SIRT7: variants seen among roughly 807,000 people sequenced by gnomAD.
The protein encoded by SIRT7 is NAD-dependent protein deacetylase sirtuin-7.
Under a neutral mutation model 42.8 loss-of-function variants are expected in SIRT7, and 32 were observed. The ratio of observed to expected loss-of-function variants is 0.75; its 90% CI spans 0.56 to 1.00. SIRT7 has a LOEUF of 1.00. SIRT7 is among the 50% of genes least tolerant of loss of function. The probability of loss-of-function intolerance (pLI) is 0.00; values close to 1 mark genes in which losing one functional copy is unlikely to be tolerated. For synonymous variants in SIRT7, 297 were observed against 245.2 expected, an observed-to-expected ratio of 1.21 and a Z score of -1.97; for missense variants, 553 against 572.2, an observed-to-expected ratio of 0.97 and a Z score of 0.34.
rs749097837 is a variant in SIRT7 at position 81,913,901 on chromosome 17, G to A, written c.898-21C>T. The A allele has an allele frequency of 3.2e-6, 5 of 1,549,350 alleles. No homozygotes were observed. Among genetic ancestry groups the A allele is most frequent in the Non-Finnish European group, 4.4e-6 (5 of 1,145,884 alleles). On this transcript the variant is annotated intron_variant, in intron 8 of 9. Transcript: ENST00000328666. This position sits in a 1 kb window ranked among gnomAD's most constrained non-coding sequence, Gnocchi z 5.0. ...GTCCACTGAGGACAGGGAAAGCCGA[G>A]TGAGAGTAACAGCAGCCCAACCCTT...
At chr17:81,914,805 C>A (rs575831505) in intron 5 of SIRT7, 103 bp from the exon 6 acceptor site, 17 of 931,290 alleles carry the variant, frequency 1.8e-5, no homozygotes, top group Non-Finnish European at 2.6e-5. Context: ...GCCGATGGCT[C>A]CCAAAACCAG....
chr17:81,915,482 G>A lies in SIRT7; in HGVS notation c.438C>T (p.Thr146=). The A allele has an allele frequency of 6.2e-7, 1 of 1,613,704 alleles. No individual in the cohort carries two copies. Among genetic ancestry groups the A allele is most frequent in the Non-Finnish European group, 8.5e-7 (1 of 1,179,944 alleles). ...SAADLSEAEP[T]LTHMSITRLH... The stretch of plus-strand genomic sequence containing the variant: ...GACGGGTGATGCTCATGTGGGTGAG[G>A]GTTGGCTCGGCCTCGCTCAGGTCGG... The change falls in exon 5 of 10, where the codon ACC becomes ACT. Residue 146 remains threonine, a synonymous_variant. Transcript: ENST00000328666.
Position 81,917,941 on chromosome 17 carries a change from C to T in SIRT7, c.120G>A (p.Ala40=). The change falls in exon 2 of 10, where the codon GCG becomes GCA. Residue 40 remains alanine (A), a synonymous_variant. Transcript: ENST00000328666. ...GGCCCTCCTCGGCGCTGCGCTCCGC[C>T]GCCGCCTTCCTCAGGATGCGCGACA... ...RQVSRILRKA[A]AERSAEEGRL... 1 of 1,385,332 alleles carries T rather than the reference C, an allele frequency of 7.2e-7. No homozygotes were observed. The highest frequency in any genetic ancestry group is 9.3e-7 in the Non-Finnish European group (1 of 1,071,478). 85.8% of individuals were successfully genotyped at this position (1,385,332 alleles called of 1,614,324 possible). A position where few individuals can be genotyped will look rare whatever the true frequency, so the allele number is the denominator to read the frequency against.
chr17:81,915,781 C>T (rs1320185892), intron 3 of SIRT7, 100 bp from the exon 4 acceptor site: 1 of 1,326,450 alleles, frequency 7.5e-7, no homozygotes, highest in East Asian at 2.5e-5. Context: ...CTGCCGCATT[C>T]CGGGCTGGCC....
Position 81,914,404 on chromosome 17 carries a change from T to C in SIRT7, c.706A>G (p.Ile236Val). 1 of 1,613,186 alleles carries C rather than the reference T, an allele frequency of 6.2e-7. No homozygotes were observed. ...GTCCCCCTCTCCCCAAAGTGCACAA[T>C]GGTGTCCCGCAGCTGGGTCCCACAC... ...HKCGTQLRDT[I>V]VHFGERGTLG... is the part of the protein sequence containing the mutation. The change falls in exon 7 of 10, where the codon ATT becomes GTT. Residue 236 changes from isoleucine to valine, a missense_variant. Coordinates refer to ENST00000328666, the MANE Select transcript of SIRT7 (RefSeq NM_016538.3).
Position 81,917,952 on chromosome 17 carries a change from TC to T in SIRT7, c.108del (p.Arg37GlyfsTer22). The T allele has an allele frequency of 7.3e-7, 1 of 1,373,898 alleles. No individual in the cohort carries two copies. Among genetic ancestry groups the T allele is most frequent in the Non-Finnish European group, 9.4e-7 (1 of 1,067,022 alleles). 85.1% of individuals were successfully genotyped at this position (1,373,898 alleles called of 1,614,324 possible). On this transcript the variant is annotated frameshift_variant, in exon 2 of 10. Coordinates refer to ENST00000328666, the MANE Select transcript of SIRT7 (RefSeq NM_016538.3). LOFTEE classifies it high-confidence loss of function. Reference sequence around the variant, plus strand: ...GCGCTGCGCTCCGCCGCCGCCTTCCTCAGGATGCGCGACACCTGCGGGCAGG... The same window carrying T: ...GCGCTGCGCTCCGCCGCCGCCTTCCTAGGATGCGCGACACCTGCGGGCAGG... ...RERLRQVSRI[L>X]RKAAAERSAE...
chr17:81,912,386 A>T lies in SIRT7; in HGVS notation c.*30T>A. 5.0e-6 allele frequency: 8 copies of T among 1,613,978 alleles called. No individual in the cohort carries two copies. Among genetic ancestry groups the T allele is most frequent in the Non-Finnish European group, 6.8e-6 (8 of 1,179,972 alleles). On this transcript the variant is annotated 3_prime_UTR_variant, in exon 10 of 10. Coordinates refer to ENST00000328666, the MANE Select transcript of SIRT7 (RefSeq NM_016538.3). ...TCACCGTGACACTGGCCATCTGCAA[A>T]GTGCCAACTGTTCTTCATCGAGCAC... is the stretch of plus-strand genomic sequence containing the variant.
chr17:81,914,904 G>C, intron 5 of SIRT7: 1 of 588,496 alleles, frequency 1.7e-6, no homozygotes, highest in South Asian at 2.0e-5. Context: ...TGGTGGGGAG[G>C]GGCTGTCCTT....
Position 81,917,920 on chromosome 17 carries a change from C to T in SIRT7, c.141G>A (p.Glu47=). 3 of 1,410,884 alleles carry T rather than the reference C, an allele frequency of 2.1e-6. No homozygotes were observed. The highest frequency in any genetic ancestry group is 2.8e-6 in the Non-Finnish European group (3 of 1,083,590). 87.4% of individuals were successfully genotyped at this position (1,410,884 alleles called of 1,614,324 possible). ...CCGCGCTCTCGGCCAGCAGCCGGCCCTCCTCGGCGCTGCGCTCCGCCGCCG... is the reference window on the plus strand; with the variant it reads ...CCGCGCTCTCGGCCAGCAGCCGGCCTTCCTCGGCGCTGCGCTCCGCCGCCG... ...RKAAAERSAE[E]GRLLAESADL... is the part of the protein sequence containing the mutation. Residue 47 remains glutamate (E), a synonymous_variant, in exon 2 of 10, where the codon GAG becomes GAA. Coordinates refer to ENST00000328666, the MANE Select transcript of SIRT7 (RefSeq NM_016538.3).
At position 81,918,131 on chromosome 17, in the gene SIRT7, TCGCTCCCCTGGAGACCTGCTCTTC is replaced by T; in HGVS notation, c.-24_-1del. 6.5e-7 allele frequency: 1 copy of T among 1,536,964 alleles called. No homozygotes were observed. The highest frequency in any genetic ancestry group is 8.7e-7 in the Non-Finnish European group (1 of 1,151,400). On this transcript the variant is annotated 5_prime_UTR_variant, in exon 1 of 10. Coordinates refer to ENST00000328666, the MANE Select transcript of SIRT7 (RefSeq NM_016538.3). ...GAGCGGCTCAGACCCCCGGCTGCCA[TCGCTCCCCTGGAGACCTGCTCTTC>T]CGCTTCCGCCTCACACGGCAGGCCG...
rs1256438681 is a variant in SIRT7 at position 81,917,960 on chromosome 17, C to T, written c.101G>A (p.Arg34His). The T allele has an allele frequency of 7.4e-7, 1 of 1,356,184 alleles. No homozygotes were observed. Among genetic ancestry groups the T allele is most frequent in the Non-Finnish European group, 9.4e-7 (1 of 1,060,900 alleles). 84.0% of individuals were successfully genotyped at this position (1,356,184 alleles called of 1,614,324 possible). The stretch of plus-strand genomic sequence containing the variant: ...CTCCGCCGCCGCCTTCCTCAGGATG[C>T]GCGACACCTGCGGGCAGGCGGACGG... Reference protein sequence around the residue: ...QQRERLRQVSRILRKAAAERS... With the variant: ...QQRERLRQVSHILRKAAAERS... Residue 34 changes from arginine to histidine, a missense_variant, in exon 2 of 10, where the codon CGC becomes CAC. Transcript: ENST00000328666.
chr17:81,912,317 C>T lies in SIRT7; in HGVS notation c.*99G>A. The T allele has an allele frequency of 7.0e-7, 1 of 1,438,674 alleles. No individual in the cohort carries two copies. The highest frequency in any genetic ancestry group is 9.8e-7 in the Non-Finnish European group (1 of 1,023,808). The allele number at this position is 1,438,674 out of a possible 1,614,324, so 89.1% of individuals were successfully genotyped here. A position where few individuals can be genotyped will look rare whatever the true frequency, so the allele number is the denominator to read the frequency against. On this transcript the variant is annotated 3_prime_UTR_variant, in exon 10 of 10. Transcript: ENST00000328666. Reference sequence around the variant, plus strand: ...AAATGTCACGGTGAAAATGTCATCCCCAAAGAGTTCGTTCTCCCTAGACCC... The same window carrying T: ...AAATGTCACGGTGAAAATGTCATCCTCAAAGAGTTCGTTCTCCCTAGACCC...
Position 81,912,592 on chromosome 17 carries a change from G to A in SIRT7, c.1027C>T (p.Leu343=). The change falls in exon 10 of 10, where the codon CTG becomes TTG. Residue 343 remains leucine, a synonymous_variant. Coordinates refer to ENST00000328666, the MANE Select transcript of SIRT7 (RefSeq NM_016538.3). ...TCACCAGCACGCAGGGGAGTCGCCA[G>A]TGAGAAAATGGGATCCTGCCACCTG... ...YSRWQDPIFS[L]ATPLRAGEEG... 1 of 1,613,322 alleles carries A rather than the reference G, an allele frequency of 6.2e-7. No homozygotes were observed. The highest frequency in any genetic ancestry group is 2.2e-5 in the East Asian group (1 of 44,894).
rs901782831 is a variant in SIRT7, at chr17:81,915,838, A to G, written c.337-157T>C. 6.4e-6 allele frequency: 5 copies of G among 785,920 alleles called. No individual in the cohort carries two copies. In the African/African-American group the frequency reaches 6.8e-5, roughly 11 times the overall value. 48.7% of individuals were successfully genotyped at this position (785,920 alleles called of 1,614,324 possible). On this transcript the variant is annotated intron_variant, in intron 3 of 9. Coordinates refer to ENST00000328666, the MANE Select transcript of SIRT7 (RefSeq NM_016538.3). ...TCCACAGGCTGACCTGCCTGAGCCCATATGGAGTGTACCCCAATTCGGCTC... is the reference window on the plus strand; with the variant it reads ...TCCACAGGCTGACCTGCCTGAGCCCGTATGGAGTGTACCCCAATTCGGCTC...
chr17:81,917,698 G>A lies in SIRT7; in HGVS notation c.253C>T (p.Leu85=). Residue 85 remains leucine (L), a synonymous_variant, in exon 3 of 10, where the codon CTG becomes TTG. Coordinates refer to ENST00000328666, the MANE Select transcript of SIRT7 (RefSeq NM_016538.3). Reference sequence around the variant, plus strand: ...GCCAGCTCCCGGACCTTCCCCCGCAGCTCCTCCGGGTCGTCGCACACCTGC... The same window carrying A: ...GCCAGCTCCCGGACCTTCCCCCGCAACTCCTCCGGGTCGTCGCACACCTGC... ...QEEVCDDPEE[L]RGKVRELASA... is the part of the protein sequence containing the mutation. 2 of 1,602,490 alleles carry A rather than the reference G, an allele frequency of 1.2e-6. No individual in the cohort carries two copies. The highest frequency in any genetic ancestry group is 1.7e-6 in the Non-Finnish European group (2 of 1,175,492).
At position 81,914,638 on chromosome 17, in the gene SIRT7, G is replaced by C. The variant is rs1188560685; in HGVS notation, c.545C>G (p.Ala182Gly). Reference protein sequence around the residue: ...LHLRSGLPRTAISELHGNMYI... With the variant: ...LHLRSGLPRTGISELHGNMYI... ...CATGTTCCCGTGGAGCTCGGAGATG[G>C]CCGTGCGCGGCAGCCCACTCCTCAG... The change falls in exon 6 of 10, where the codon GCC becomes GGC. Residue 182 changes from alanine (A) to glycine (G), a missense_variant. Transcript: ENST00000328666. 6.2e-7 allele frequency: 1 copy of C among 1,613,112 alleles called. No homozygotes were observed. Among genetic ancestry groups the C allele is most frequent in the African/African-American group, 1.3e-5 (1 of 75,018 alleles).
intron 3 of SIRT7, 56 bp downstream of exon 3, chr17:81,917,559 C>A: frequency 7.0e-7 from 1 of 1,432,940 alleles, no homozygotes; most frequent in Non-Finnish European, 9.4e-7. Flanking sequence ...GCGAGTTTTT[C>A]GCGATTACTG....
In SIRT7 at chr17:81,918,148, T is replaced by C. The variant is rs2040844878; in HGVS notation, c.-17A>G. 1.3e-6 allele frequency: 2 copies of C among 1,529,154 alleles called. No homozygotes were observed. Among genetic ancestry groups the C allele is most frequent in the Admixed American group, 2.0e-5 (1 of 50,710 alleles). 94.7% of individuals were successfully genotyped at this position (1,529,154 alleles called of 1,614,324 possible). A position where few individuals can be genotyped will look rare whatever the true frequency, so the allele number is the denominator to read the frequency against. On this transcript the variant is annotated 5_prime_UTR_variant, in exon 1 of 10. Transcript: ENST00000328666. The stretch of plus-strand genomic sequence containing the variant: ...GGCTGCCATCGCTCCCCTGGAGACC[T>C]GCTCTTCCGCTTCCGCCTCACACGG...
Position 81,912,601 on chromosome 17 carries a change from TGG to T in SIRT7, c.1016_1017del (p.Pro339HisfsTer12), listed in dbSNP as rs756561304. 1 of 1,613,012 alleles carries T rather than the reference TGG, an allele frequency of 6.2e-7. No individual in the cohort carries two copies. Among genetic ancestry groups the T allele is most frequent in the Non-Finnish European group, 8.5e-7 (1 of 1,179,856 alleles). On this transcript the variant is annotated frameshift_variant, in exon 10 of 10. Coordinates refer to ENST00000328666, the MANE Select transcript of SIRT7 (RefSeq NM_016538.3). LOFTEE classifies it high-confidence loss of function. ...CGCAGGGGAGTCGCCAGTGAGAAAA[TGG>T]GATCCTGCCACCTGCCAAAAAGGGA... is the stretch of plus-strand genomic sequence containing the variant. Reference protein sequence around the residue: ...EIPAYSRWQDPIFSLATPLRA... With the variant: ...EIPAYSRWQDXIFSLATPLRA...
Sources: allele counts gnomAD v4.1 joint callset, GRCh38; gene constraint gnomAD v4.1.1; non-coding constraint Gnocchi (gnomAD v3.1); transcripts MANE v1.5; gene names NCBI Gene and HGNC (gene_info 2026-07-23, HGNC 2026-07-21).